ATP1B1: variants seen among roughly 807,000 people sequenced by gnomAD.
The protein encoded by ATP1B1 is sodium/potassium-transporting ATPase subunit beta-1.
In ATP1B1, 3 loss-of-function variants were observed where a neutral mutation model predicts 39.6. That is an observed-to-expected ratio of 0.08 (90% CI 0.03 to 0.20). The LOEUF (loss-of-function observed/expected upper bound fraction) is 0.20. ATP1B1 is among the 10% of genes least tolerant of loss of function. ATP1B1 has a pLI of 1.00. For missense variants in ATP1B1, 216 were observed against 371.1 expected, an observed-to-expected ratio of 0.58 and a Z score of 3.43; for synonymous variants, 139 against 135.0, an observed-to-expected ratio of 1.03 and a Z score of -0.20.
intron 5 of ATP1B1, among the ~76,000 whole-genome samples, chr1:169,130,450 A>T (rs1342978866): frequency 2.6e-5 from 4 of 151,546 alleles, no homozygotes; most frequent in Non-Finnish European, 4.4e-5. Flanking sequence ...TTAAAAAAAA[A>T]TTAATGTCAC....
chr1:169,126,487 C>T (rs1399134190), intron 3 of ATP1B1, among the ~76,000 whole-genome samples: 2 of 152,020 alleles, frequency 1.3e-5, no homozygotes, highest in African/African-American at 2.4e-5. Flanking sequence ...TAATGCATAG[C>T]TTTAAAAGGC....
Position 169,131,514 on chromosome 1 carries a change from T to G in ATP1B1, c.871T>G (p.Phe291Val). 1 of 1,613,930 alleles carries G rather than the reference T, an allele frequency of 6.2e-7. No individual in the cohort carries two copies. Among genetic ancestry groups the G allele is most frequent in the Non-Finnish European group, 8.5e-7 (1 of 1,179,962 alleles). Residue 291 changes from phenylalanine (F) to valine (V), a missense_variant, in exon 6 of 6, where the codon TTT (phenylalanine) becomes GTT (valine). Transcript: ENST00000367815. This position sits in a 1 kb window ranked among gnomAD's most constrained non-coding sequence, Gnocchi z 4.4. ...CATTGGGTACAGTGAGAAAGACCGTTTTCAGGGACGTTTTGATGTAAAAAT... is the reference window on the plus strand; with the variant it reads ...CATTGGGTACAGTGAGAAAGACCGTGTTCAGGGACGTTTTGATGTAAAAAT... Reference protein sequence around the residue: ...ENIGYSEKDRFQGRFDVKIEV... With the variant: ...ENIGYSEKDRVQGRFDVKIEV...
In ATP1B1 at chr1:169,131,489, C is replaced by T; in HGVS notation, c.846C>T (p.Asn282=). 2 of 1,614,124 alleles carry T rather than the reference C, an allele frequency of 1.2e-6. No individual in the cohort carries two copies. The highest frequency in any genetic ancestry group is 1.7e-6 in the Non-Finnish European group (2 of 1,180,036). Residue 282 remains asparagine, a synonymous_variant, in exon 6 of 6, where the codon AAC becomes AAT. Coordinates refer to ENST00000367815, the MANE Select transcript of ATP1B1 (RefSeq NM_001677.4). This position sits in a 1 kb window ranked among gnomAD's most constrained non-coding sequence, Gnocchi z 4.4. ...TAGAGTGTAAGGCGTACGGTGAGAA[C>T]ATTGGGTACAGTGAGAAAGACCGTT... The part of the protein sequence containing the change: ...IRIECKAYGE[N]IGYSEKDRFQ...
intron 3 of ATP1B1, among the ~76,000 whole-genome samples, chr1:169,126,693 G>A (rs1422358272): frequency 1.3e-5 from 2 of 152,094 alleles, no homozygotes; most frequent in Admixed American, 6.6e-5. Flanking sequence ...CCTAGGCCAC[G>A]GAGTGAGACC....
chr1:169,110,486 G>C (rs999260572), intron 1 of ATP1B1: 1 of 436,800 alleles, frequency 2.3e-6, no homozygotes, highest in Non-Finnish European at 3.8e-6. Flanking sequence ...AGTACAGCCT[G>C]TTACTATGCA....
At chr1:169,108,507 G>A (rs1657654226) in intron 1 of ATP1B1, among the ~76,000 whole-genome samples, 1 of 152,122 alleles carries the variant, frequency 6.6e-6, no homozygotes, top group Non-Finnish European at 1.5e-5. Context: ...ACCCTGCTGC[G>A]TCACAGGGGC....
intron 1 of ATP1B1, among the ~76,000 whole-genome samples, chr1:169,108,908 GTCAGAGCC>G (rs1222175672): frequency 1.3e-5 from 2 of 152,200 alleles, no homozygotes; most frequent in Non-Finnish European, 2.9e-5. Flanking sequence ...TGTAAAAACT[GTCAGAGCC>G]TCTCTTAGGT....
chr1:169,124,125 T>A (rs1276937243), intron 2 of ATP1B1, among the ~76,000 whole-genome samples: 1 of 152,214 alleles, frequency 6.6e-6, no homozygotes, highest in Non-Finnish European at 1.5e-5. Flanking sequence ...TGTAGTGTGG[T>A]TCACATACCC....
chr1:169,126,969 T>G (rs1296959442), intron 3 of ATP1B1, among the ~76,000 whole-genome samples: 1 of 152,208 alleles, frequency 6.6e-6, no homozygotes, highest in Non-Finnish European at 1.5e-5. Flanking sequence ...GACTAAATAT[T>G]ACGTGCTGAT....
At chr1:169,116,236 C>T (rs528861652) in intron 2 of ATP1B1, among the ~76,000 whole-genome samples, 1 of 152,256 alleles carries the variant, frequency 6.6e-6, no homozygotes, top group Non-Finnish European at 1.5e-5. Flanking sequence ...CTCAGGCTCA[C>T]TTAGCAACAG....
rs541891886 is a variant in ATP1B1, at chr1:169,115,415, C to T, written c.226+3917C>T. Among the ~76,000 whole-genome samples the T allele has an allele frequency of 1.4e-3, 203 of 146,792 alleles. 2 individuals carry two copies. The highest frequency in any genetic ancestry group is 4.8e-3 in the African/African-American group (191 of 39,800). On this transcript the variant is annotated intron_variant, in intron 2 of 5. Coordinates refer to ENST00000367815, the MANE Select transcript of ATP1B1 (RefSeq NM_001677.4). ...CCAGGCTGGAGTGCAGTGGCATGAT[C>T]TTGGCTCACTGCAACCTCTGCCCCC...
At chr1:169,108,720 G>T (rs980115314) in intron 1 of ATP1B1, among the ~76,000 whole-genome samples, 3 of 152,208 alleles carry the variant, frequency 2.0e-5, no homozygotes, top group Non-Finnish European at 4.4e-5. Context: ...GAGAGACCGT[G>T]TGTGTCAATT....
intron 1 of ATP1B1, chr1:169,110,590 T>TTTTTTTTTG: frequency 1.8e-6 from 2 of 1,097,426 alleles, no homozygotes; most frequent in Non-Finnish European, 1.2e-6. Flanking sequence ...TTTTTTTGCT[T>TTTTTTTTTG]TTGCAGCTAT....
At chr1:169,127,451 C>T (rs536515755) in intron 4 of ATP1B1, 43 bp downstream of exon 4, 14 of 1,551,568 alleles carry the variant, frequency 9.0e-6, no homozygotes, top group South Asian at 8.3e-5. Context: ...GAGTCATTTA[C>T]ACTAAGTACT....
At chr1:169,122,013 T>G (rs1449076677) in intron 2 of ATP1B1, among the ~76,000 whole-genome samples, 1 of 152,168 alleles carries the variant, frequency 6.6e-6, no homozygotes, top group Admixed American at 6.5e-5. Flanking sequence ...CCCTCCTGCC[T>G]TGTCTTTCCC....
At chr1:169,130,170 G>C (rs1456281033) in intron 5 of ATP1B1, 80 bp downstream of exon 5, 6 of 1,221,004 alleles carry the variant, frequency 4.9e-6, no homozygotes, top group Non-Finnish European at 7.1e-6. Context: ...CTGTTTAAGT[G>C]ACAGGTAGAA....
intron 2 of ATP1B1, among the ~76,000 whole-genome samples, chr1:169,124,174 TA>T (rs777694695): frequency 1.3e-5 from 2 of 152,164 alleles, no homozygotes; most frequent in Admixed American, 6.5e-5. Flanking sequence ...TTTTGGATAT[TA>T]AAGAATGTAA....
Position 169,111,456 on chromosome 1 carries a change from A to G in ATP1B1, c.184A>G (p.Ser62Gly), listed in dbSNP as rs1253894927. The G allele has an allele frequency of 6.2e-7, 1 of 1,614,224 alleles. No individual in the cohort carries two copies. Among genetic ancestry groups the G allele is most frequent in the Non-Finnish European group, 8.5e-7 (1 of 1,180,038 alleles). ...GTIQVMLLTI[S>G]EFKPTYQDRV... is the part of the protein sequence containing the mutation. ...CATCCAAGTGATGCTGCTCACCATC[A>G]GTGAATTTAAGCCCACATATCAGGA... Residue 62 changes from serine (S) to glycine (G), a missense_variant, in exon 2 of 6, where the codon AGT (serine) becomes GGT (glycine). Ser to Gly is a moderately conservative substitution (Grantham distance 56, BLOSUM62 0). Transcript: ENST00000367815.
intron 5 of ATP1B1, among the ~76,000 whole-genome samples, chr1:169,130,779 C>CAAAAA (rs57542049): frequency 4.6e-4 from 34 of 73,970 alleles, no homozygotes; most frequent in African/African-American, 1.8e-3. Context: ...AAGACTATCT[C>CAAAAA]AAAAAAAAAA....
Sources: gnomAD v4.1 joint callset for allele counts (sites outside exome capture counted in the v4.1 genomes callset) on GRCh38, gnomAD v4.1.1 for gene constraint, Gnocchi (gnomAD v3.1) non-coding constraint, MANE v1.5 for transcripts, NCBI Gene and HGNC (gene_info 2026-07-23, HGNC 2026-07-21) for gene names.